The following PRLR variants were observed in gnomAD, a reference collection of about 807,000 sequenced individuals.
PRLR encodes the protein prolactin receptor, also known as hPRL receptor.
A neutral mutation model predicts 40.2 loss-of-function variants in PRLR; 13 were observed. The observed-to-expected ratio is 0.32, with a 90% CI of 0.21 to 0.51. PRLR has a LOEUF of 0.51. Among genes scored for constraint, PRLR ranks in the 20% least tolerant of loss-of-function variants. PRLR has a pLI of 0.97. For synonymous variants in PRLR, 269 were observed against 278.7 expected (o/e 0.97, Z 0.35); for missense variants, 656 against 747.3 (o/e 0.88, Z 1.42).
intron 1 of PRLR, among the ~76,000 whole-genome samples, chr5:35,149,396 GATA>G (rs1173724755): frequency 6.6e-6 from 1 of 151,994 alleles, no homozygotes; most frequent in African/African-American, 2.4e-5. Flanking sequence ...TAAAACCTTT[GATA>G]ATAATAATAT....
intron 2 of PRLR, among the ~76,000 whole-genome samples, chr5:35,109,202 A>T (rs1772479819): frequency 6.6e-6 from 1 of 152,232 alleles, no homozygotes; most frequent in South Asian, 2.1e-4. Flanking sequence ...CTTACACCTT[A>T]CACAAAAATT....
chr5:35,161,884 C>T (rs896590775), intron 1 of PRLR, among the ~76,000 whole-genome samples: 1 of 152,164 alleles, frequency 6.6e-6, no homozygotes, highest in Non-Finnish European at 1.5e-5. Flanking sequence ...TCCTTGTGAG[C>T]CTTAAAACAC....
chr5:35,134,038 G>T lies in PRLR; in HGVS notation c.-105-15916C>A, dbSNP rs551502809. Among the ~76,000 whole-genome samples, 4 of 152,304 alleles carry T rather than the reference G, an allele frequency of 2.6e-5. No homozygotes were observed. The East Asian group carries it at 5.8e-4, about 22-fold the overall frequency. ...ATGGACTCTGGGGACTTGGGGAAAGGTTGGGAAGGGGGTGAGGGATAAAAG... is the reference window on the plus strand; with the variant it reads ...ATGGACTCTGGGGACTTGGGGAAAGTTTGGGAAGGGGGTGAGGGATAAAAG... On this transcript the variant is annotated intron_variant, in intron 1 of 9. Transcript: ENST00000618457.
At position 35,057,256 on chromosome 5, in the gene PRLR, T is replaced by G. The variant is rs1768778181; in HGVS notation, c.*7833A>C. The G allele has an allele frequency of 6.6e-6, 1 of 152,100 alleles. No homozygotes were observed. Among genetic ancestry groups the G allele is most frequent in the Non-Finnish European group, 1.5e-5 (1 of 67,980 alleles). 9.4% of individuals were successfully genotyped at this position (152,100 alleles called of 1,614,324 possible). A position where few individuals can be genotyped will look rare whatever the true frequency, so the allele number is the denominator to read the frequency against. ...CTTGCAATCATAGGAAGGGTGGACATAAAGGGGAAGAATTTTTTTTGTCCA... is the reference window on the plus strand; with the variant it reads ...CTTGCAATCATAGGAAGGGTGGACAGAAAGGGGAAGAATTTTTTTTGTCCA... On this transcript the variant is annotated 3_prime_UTR_variant, in exon 10 of 10. Coordinates refer to ENST00000618457, the MANE Select transcript of PRLR (RefSeq NM_000949.7).
chr5:35,107,269 A>G (rs2111606387), intron 2 of PRLR, among the ~76,000 whole-genome samples: 1 of 152,374 alleles, frequency 6.6e-6, no homozygotes. Context: ...CCACAAGAGA[A>G]AGCAGGAAAG....
chr5:35,163,081 G>C (rs967367035), intron 1 of PRLR, among the ~76,000 whole-genome samples: 4 of 152,142 alleles, frequency 2.6e-5, no homozygotes, highest in African/African-American at 7.2e-5. Context: ...AGTTTGCTCT[G>C]CTGGCAGAGG....
chr5:35,104,218 G>A (rs1772077891), intron 2 of PRLR, among the ~76,000 whole-genome samples: 1 of 152,182 alleles, frequency 6.6e-6, no homozygotes, highest in South Asian at 2.1e-4. Flanking sequence ...ACACTGAACT[G>A]TATGTCACTT....
intron 1 of PRLR, among the ~76,000 whole-genome samples, chr5:35,172,874 G>T (rs1176012711): frequency 2.0e-5 from 3 of 152,182 alleles, no homozygotes; most frequent in Non-Finnish European, 4.4e-5. Context: ...AAGGAGAAAT[G>T]AGTTCCGGCC....
chr5:35,183,066 C>T lies in PRLR; in HGVS notation c.-106+47202G>A, dbSNP rs116550238. Among the ~76,000 whole-genome samples, 616 of 152,342 alleles carry T rather than the reference C, an allele frequency of 4.0e-3. 2 individuals are homozygous for T. The highest frequency in any genetic ancestry group is 0.014 in the African/African-American group (571 of 41,582). ...TCTCCCACCCAAGGAAAAGAATTCC[C>T]TCTTCAACTGGAAGTTGCGACACCT... On this transcript the variant is annotated intron_variant, in intron 1 of 9. Transcript: ENST00000618457.
chr5:35,192,358 C>T (rs898929555), intron 1 of PRLR, among the ~76,000 whole-genome samples: 1 of 152,164 alleles, frequency 6.6e-6, no homozygotes, highest in African/African-American at 2.4e-5. Flanking sequence ...CAGCTCTGTG[C>T]CCTCCTCTCT....
intron 3 of PRLR, among the ~76,000 whole-genome samples, chr5:35,087,532 T>C (rs1403471677): frequency 6.6e-6 from 1 of 151,324 alleles, no homozygotes; most frequent in Non-Finnish European, 1.5e-5. Flanking sequence ...TCCCATAGGG[T>C]CTATAAAACT....
At chr5:35,132,291 A>G (rs1297926689) in intron 1 of PRLR, among the ~76,000 whole-genome samples, 2 of 152,150 alleles carry the variant, frequency 1.3e-5, no homozygotes, top group African/African-American at 4.8e-5. Flanking sequence ...CAGAACACTC[A>G]ATACCATCAA....
At chr5:35,202,613 A>C (rs1351647137) in intron 1 of PRLR, among the ~76,000 whole-genome samples, 4 of 152,152 alleles carry the variant, frequency 2.6e-5, no homozygotes, top group Admixed American at 2.6e-4. Flanking sequence ...TCACCTTTTC[A>C]TATTGGTGCC....
rs1768825414 is a variant in PRLR at position 35,058,177 on chromosome 5, T to C, written c.*6912A>G. Reference sequence around the variant, plus strand: ...AGCAACTTAATTATAAAACAATTACTTCTAATTTCTCACTTAGTGTTGGGG... The same window carrying C: ...AGCAACTTAATTATAAAACAATTACCTCTAATTTCTCACTTAGTGTTGGGG... On this transcript the variant is annotated 3_prime_UTR_variant, in exon 10 of 10. Coordinates refer to ENST00000618457, the MANE Select transcript of PRLR (RefSeq NM_000949.7). 6.6e-6 allele frequency: 1 copy of C among 152,218 alleles called. No homozygotes were observed. The highest frequency in any genetic ancestry group is 2.1e-4 in the South Asian group (1 of 4,834). The allele number at this position is 152,218 out of a possible 1,614,324, so 9.4% of individuals were successfully genotyped here.
At chr5:35,076,809 C>T (rs564500897) in intron 5 of PRLR, among the ~76,000 whole-genome samples, 3 of 152,272 alleles carry the variant, frequency 2.0e-5, no homozygotes, top group Non-Finnish European at 4.4e-5. Context: ...GGTCAGGCTA[C>T]CCACAAAGGG....
At chr5:35,048,790 C>T (rs943047165) in exon 9 of PRLR, 21 of 209,382 alleles carry the variant, frequency 1.0e-4, no homozygotes, top group Admixed American at 3.0e-4. Flanking sequence ...AACCAGGTTG[C>T]GAAGAGTACA....
intron 1 of PRLR, among the ~76,000 whole-genome samples, chr5:35,179,642 A>G (rs1258272718): frequency 2.0e-5 from 3 of 152,158 alleles, no homozygotes; most frequent in African/African-American, 7.2e-5. Flanking sequence ...CACACTGTAC[A>G]GTTATTTAAT....
intron 5 of PRLR, 138 bp downstream of exon 5, chr5:35,084,332 G>T: frequency 1.2e-6 from 1 of 850,950 alleles, no homozygotes; most frequent in Non-Finnish European, 1.8e-6. Context: ...GAACTGTTCT[G>T]TTGACAAGCA....
intron 1 of PRLR, among the ~76,000 whole-genome samples, chr5:35,180,576 T>C (rs1310860567): frequency 6.6e-6 from 1 of 152,112 alleles, no homozygotes; most frequent in Non-Finnish European, 1.5e-5. Context: ...CTCTTTTCTT[T>C]TCTTTTCCCC....
Sources: gnomAD v4.1 joint callset for allele counts (sites outside exome capture counted in the v4.1 genomes callset) on GRCh38, gnomAD v4.1.1 for gene constraint, MANE v1.5 for transcripts, NCBI Gene and HGNC (gene_info 2026-07-23, HGNC 2026-07-21) for gene names.